The following MYH7 variants were observed in gnomAD, a reference collection of about 807,000 sequenced individuals.
The protein encoded by MYH7 is myosin heavy chain 7.
In MYH7, 129 loss-of-function variants were observed where a neutral mutation model predicts 225.4. The ratio of observed to expected loss-of-function variants is 0.57; its 90% confidence interval spans 0.50 to 0.66. The LOEUF (loss-of-function observed/expected upper bound fraction) is 0.66. Among genes scored for constraint, MYH7 ranks in the 30% least tolerant of loss-of-function variants. The pLI, the probability that MYH7 is intolerant of heterozygous loss-of-function variation, is 0.00. For missense variants in MYH7, 1,649 were observed against 2,517.0 expected, an observed-to-expected ratio of 0.66 and a Z score of 7.38; for synonymous variants, 971 against 1,007.6, an observed-to-expected ratio of 0.96 and a Z score of 0.69.
intron 26 of MYH7, among the ~76,000 whole-genome samples, 176 bp from the exon 27 acceptor site, chr14:23,420,410 G>C (rs1380150136): frequency 6.6e-6 from 1 of 152,254 alleles, no homozygotes; most frequent in African/African-American, 2.4e-5. Context: ...TTAGGCGAGG[G>C]CCTGACAGTC....
At chr14:23,412,895 A>G (rs758255679) in intron 39 of MYH7, 24 bp from the exon 40 acceptor site, 13 of 1,613,094 alleles carry the variant, frequency 8.1e-6, no homozygotes, top group Admixed American at 3.3e-5. Flanking sequence ...ACAAAGTCCA[A>G]TCAGTCCTTG....
At chr14:23,426,137 G>A in intron 18 of MYH7, 56 bp from the exon 19 acceptor site, 2 of 1,591,358 alleles carry the variant, frequency 1.3e-6, no homozygotes, top group Admixed American at 3.4e-5. Context: ...GAAGTTCTGG[G>A]TTCTGATCCT....
chr14:23,419,105 G>A (rs1595077050), intron 29 of MYH7, 72 bp downstream of exon 29: 1 of 1,289,252 alleles, frequency 7.8e-7, no homozygotes, highest in East Asian at 2.3e-5. Context: ...TTGCTGGGAA[G>A]GGAAGTGATT....
Position 23,433,420 on chromosome 14 carries a change from A to G in MYH7, c.201+112T>C, listed in dbSNP as rs536153308. On this transcript the variant is annotated intron_variant, in intron 3 of 39. Coordinates refer to ENST00000355349, the MANE Select transcript of MYH7 (RefSeq NM_000257.4). The surrounding 1 kb of genome is among the most constrained non-coding windows in gnomAD (Gnocchi z 4.1). ...TCTGGATTCTTCCCCAAAGGGAAGGAGAATGGGACCATCCTCAGGTCTGCA... is the reference window on the plus strand; with the variant it reads ...TCTGGATTCTTCCCCAAAGGGAAGGGGAATGGGACCATCCTCAGGTCTGCA... 1 of 1,455,794 alleles carries G rather than the reference A, an allele frequency of 6.9e-7. No individual in the cohort carries two copies. Among genetic ancestry groups the G allele is most frequent in the African/African-American group, 1.4e-5 (1 of 71,910 alleles). The allele number at this position is 1,455,794 out of a possible 1,614,324, so 90.2% of individuals were successfully genotyped here. A position where few individuals can be genotyped will look rare whatever the true frequency, so the allele number is the denominator to read the frequency against.
rs369182253 is a variant in MYH7 at position 23,414,135 on chromosome 14, T to C, written c.5560-33A>G. On this transcript the variant is annotated intron_variant, in intron 37 of 39. Coordinates refer to ENST00000355349, the MANE Select transcript of MYH7 (RefSeq NM_000257.4). The stretch of plus-strand genomic sequence containing the variant: ...CCAGAGGGTAGGCAGGGGGTGAAGA[T>C]GGCACAGTCATAGAAGGTAGCATCC... 2.5e-5 allele frequency: 39 copies of C among 1,591,198 alleles called. No homozygotes were observed. The Admixed American group carries it at 5.7e-4, about 23-fold the overall frequency.
At chr14:23,422,574 C>CCTTTCTTTCTTTCCCTTT (rs1555337328) in intron 24 of MYH7, among the ~76,000 whole-genome samples, 1 of 146,788 alleles carries the variant, frequency 6.8e-6, no homozygotes, top group African/African-American at 2.6e-5. Flanking sequence ...TCTTTCTTTC[C>CCTTTCTTTCTTTCCCTTT]CTTTCTTTCT....
intron 11 of MYH7, among the ~76,000 whole-genome samples, chr14:23,430,327 T>G (rs1359292402): frequency 6.6e-6 from 1 of 152,192 alleles, no homozygotes; most frequent in Non-Finnish European, 1.5e-5. Flanking sequence ...TGTGTGTCTC[T>G]CTGTCTCATG....
At chr14:23,414,925 C>T in intron 37 of MYH7, 70 bp downstream of exon 37, 1 of 1,599,552 alleles carries the variant, frequency 6.3e-7, no homozygotes, top group East Asian at 2.2e-5. Context: ...GCAAACTCTT[C>T]ATTCTCCTCA....
At chr14:23,429,528 T>A (rs919959291) in intron 12 of MYH7, among the ~76,000 whole-genome samples, 181 bp from the exon 13 acceptor site, 2 of 151,782 alleles carry the variant, frequency 1.3e-5, no homozygotes, top group Non-Finnish European at 2.9e-5. Flanking sequence ...ATACAAAAAT[T>A]AGCCAGGCAT....
chr14:23,422,529 A>G lies in MYH7; in HGVS notation c.3100-204T>C, dbSNP rs374945062. On this transcript the variant is annotated intron_variant, in intron 24 of 39. Transcript: ENST00000355349. ...CAATATTTTATAGATAAAGGAATAAATGACTGTGGGATGAAACCCCAAAGC... is the reference window on the plus strand; with the variant it reads ...CAATATTTTATAGATAAAGGAATAAGTGACTGTGGGATGAAACCCCAAAGC... Among the ~76,000 whole-genome samples, 5 of 151,590 alleles carry G rather than the reference A, an allele frequency of 3.3e-5. No homozygotes were observed. In the East Asian group the frequency reaches 9.7e-4, roughly 29 times the overall value.
chr14:23,417,794 T>C, intron 30 of MYH7, 108 bp from the exon 31 acceptor site: 1 of 1,445,940 alleles, frequency 6.9e-7, no homozygotes, highest in Admixed American at 1.9e-5. Flanking sequence ...CTCAGAAGTG[T>C]AGCTGGAGAA....
rs780861108 is a variant in MYH7, at chr14:23,412,803, A to G, written c.*51T>C. 7.5e-5 allele frequency: 121 copies of G among 1,608,790 alleles called. No individual in the cohort carries two copies. Among genetic ancestry groups the G allele is most frequent in the Non-Finnish European group, 1.0e-4 (118 of 1,175,358 alleles). On this transcript the variant is annotated 3_prime_UTR_variant, in exon 40 of 40. Coordinates refer to ENST00000355349, the MANE Select transcript of MYH7 (RefSeq NM_000257.4). ...AAGGAGCTGTTACACAGGCTCCAGC[A>G]TGGGGCTTTGCTGGCACCTCCAGGG...
rs1209381803 is a variant in MYH7, at chr14:23,422,274, C to T, written c.3151G>A (p.Ala1051Thr). 1.9e-6 allele frequency: 3 copies of T among 1,614,178 alleles called. No homozygotes were observed. In the South Asian group the frequency reaches 3.3e-5, roughly 18 times the overall value. The change falls in exon 25 of 40, where the codon GCG becomes ACG. Residue 1051 changes from alanine to threonine, a missense_variant. By Grantham distance (58) the Ala-to-Thr change is moderately conservative. Coordinates refer to ENST00000355349, the MANE Select transcript of MYH7 (RefSeq NM_000257.4). ...EKKVRMDLER[A>T]KRKLEGDLKL... ...AGGTCGCCCTCCAGCTTCCGCTTCG[C>T]TCGCTCCAGGTCCATGCGCACCTTC...
chr14:23,432,343 T>C, intron 6 of MYH7, 136 bp downstream of exon 6: 3 of 1,069,696 alleles, frequency 2.8e-6, no homozygotes, highest in Non-Finnish European at 4.3e-6. Context: ...AGGGTAATGG[T>C]CAGAGAAGAA....
chr14:23,428,045 C>T, intron 15 of MYH7, 151 bp from the exon 16 acceptor site: 2 of 1,043,914 alleles, frequency 1.9e-6, no homozygotes, highest in African/African-American at 1.6e-5. Context: ...CTGACTGGAA[C>T]CGGTTCAAGG....
At chr14:23,426,678 G>A in intron 18 of MYH7, 99 bp downstream of exon 18, 1 of 1,145,444 alleles carries the variant, frequency 8.7e-7, no homozygotes, top group South Asian at 1.3e-5. Context: ...AATGTGGTTT[G>A]GAAACCACTG....
chr14:23,413,062 T>C (rs1194166621), intron 39 of MYH7, among the ~76,000 whole-genome samples, 191 bp from the exon 40 acceptor site: 1 of 152,090 alleles, frequency 6.6e-6, no homozygotes, highest in African/African-American at 2.4e-5. Context: ...AGGGTAGGGT[T>C]CTGGGGTTGG....
chr14:23,423,610 G>T lies in MYH7; in HGVS notation c.3036C>A (p.Ala1012=). The T allele has an allele frequency of 6.2e-7, 1 of 1,613,944 alleles. No homozygotes were observed. Among genetic ancestry groups the T allele is most frequent in the African/African-American group, 1.3e-5 (1 of 74,944 alleles). Reference sequence around the variant, plus strand: ...TCAGGGTGTTGACCTTGTCCTCCTCGGCCTGAAGGTCATCCAGAGCCTGTT... The same window carrying T: ...TCAGGGTGTTGACCTTGTCCTCCTCTGCCTGAAGGTCATCCAGAGCCTGTT... ...AHQQALDDLQ[A]EEDKVNTLTK... Residue 1012 remains alanine (A), a synonymous_variant, in exon 24 of 40, where the codon GCC becomes GCA. Transcript: ENST00000355349.
chr14:23,424,513 GC>G (rs1431221463), intron 22 of MYH7, among the ~76,000 whole-genome samples: 2 of 152,206 alleles, frequency 1.3e-5, no homozygotes, highest in Non-Finnish European at 2.9e-5. Flanking sequence ...TGCATGGTCT[GC>G]CCAAGGTCAC....
Sources: gnomAD v4.1 joint callset for allele counts (sites outside exome capture counted in the v4.1 genomes callset) on GRCh38, gnomAD v4.1.1 for gene constraint, Gnocchi (gnomAD v3.1) non-coding constraint, MANE v1.5 for transcripts, NCBI Gene and HGNC (gene_info 2026-07-23, HGNC 2026-07-21) for gene names.